The following ATP6AP2 variants were observed in gnomAD, a reference collection of about 807,000 sequenced individuals.
ATP6AP2 encodes the protein renin receptor.
A neutral mutation model predicts 23.4 loss-of-function variants in ATP6AP2; 1 was observed. That is an observed-to-expected ratio of 0.04 (90% CI 0.02 to 0.20). The LOEUF is 0.20. ATP6AP2 is among the 10% of genes least tolerant of loss of function. The probability of loss-of-function intolerance (pLI) is 1.00; values close to 1 mark genes in which losing one functional copy is unlikely to be tolerated. For synonymous variants in ATP6AP2, 90 were observed against 97.1 expected (o/e 0.93, Z 0.43); for missense variants, 174 against 271.3 (o/e 0.64, Z 2.52).
chrX:40,590,223 T>A (rs1926592400), intron 2 of ATP6AP2: 1 of 111,598 alleles, frequency 9.0e-6, no homozygotes, highest in Non-Finnish European at 1.9e-5. Flanking sequence ...GCTGATTTTT[T>A]AATTTTTTGT....
chrX:40,601,038 A>G, intron 8 of ATP6AP2, 157 bp downstream of exon 8: 4 of 521,949 alleles, frequency 7.7e-6, no homozygotes, highest in South Asian at 3.2e-5. Context: ...GTTCACATAC[A>G]TATGTGTGCT....
chrX:40,600,510 C>G, intron 7 of ATP6AP2: 1 of 245,413 alleles, frequency 4.1e-6, no homozygotes. Context: ...GGTAAGTGTA[C>G]ATTGTTCTTG....
intron 5 of ATP6AP2, 98 bp downstream of exon 5, chrX:40,597,762 A>G: frequency 1.1e-6 from 1 of 938,968 alleles, no homozygotes; most frequent in Non-Finnish European, 1.5e-6. Flanking sequence ...GCTGGTCTTG[A>G]ACTCCTGGCC....
intron 1 of ATP6AP2, among the ~76,000 whole-genome samples, chrX:40,582,147 G>T (rs1215452723): frequency 2.7e-5 from 3 of 111,980 alleles, no homozygotes; most frequent in African/African-American, 9.8e-5. Context: ...CCTATGGGAG[G>T]CCGGGCGCGG....
At chrX:40,599,776 G>T in intron 7 of ATP6AP2, 35 bp downstream of exon 7, 1 of 1,204,871 alleles carries the variant, frequency 8.3e-7, no homozygotes, top group South Asian at 1.8e-5. Context: ...GTTGGAGTAT[G>T]ACCATTTCAC....
At chrX:40,584,319 T>G (rs1320280465) in intron 1 of ATP6AP2, among the ~76,000 whole-genome samples, 1 of 109,371 alleles carries the variant, frequency 9.1e-6, no homozygotes, top group Non-Finnish European at 1.9e-5. Context: ...CCTCCCAAAG[T>G]GCTGGGATTA....
At chrX:40,584,162 G>C (rs1313915805) in intron 1 of ATP6AP2, among the ~76,000 whole-genome samples, 2 of 108,563 alleles carry the variant, frequency 1.8e-5, no homozygotes, top group Admixed American at 9.8e-5. Flanking sequence ...CTGCAGCCTC[G>C]ACCACCCAGG....
rs762002816 is a variant in ATP6AP2, at chrX:40,605,916, T to G, written c.*161T>G. The G allele has an allele frequency of 2.1e-6, 1 of 476,246 alleles. No individual in the cohort carries two copies. The highest frequency in any genetic ancestry group is 3.4e-5 in the South Asian group (1 of 29,189). The allele number at this position is 476,246 out of a possible 1,213,427, so 39.2% of individuals were successfully genotyped here. On this transcript the variant is annotated 3_prime_UTR_variant, in exon 9 of 9. Transcript: ENST00000636580. ...GTGTGCCTGTGATGTTTTTCTAGAG[T>G]GAATTATAGTATTGACGTGAATCCC...
intron 1 of ATP6AP2, 52 bp from the exon 2 acceptor site, chrX:40,588,934 G>T: frequency 8.6e-7 from 1 of 1,157,791 alleles, no homozygotes. Context: ...AATTGTCAAG[G>T]TAAATGATTT....
chrX:40,594,792 A>G (rs1230547150), intron 3 of ATP6AP2, among the ~76,000 whole-genome samples: 2 of 112,595 alleles, frequency 1.8e-5, no homozygotes, highest in Non-Finnish European at 3.8e-5. Flanking sequence ...TCACTGTGGA[A>G]CTTTTTAAAT....
At chrX:40,591,532 A>G in intron 3 of ATP6AP2, 167 bp downstream of exon 3, 1 of 596,098 alleles carries the variant, frequency 1.7e-6, no homozygotes, top group African/African-American at 2.2e-5. Context: ...TTACATGATG[A>G]TTGTAATTAA....
chrX:40,585,722 G>T (rs888438611), intron 1 of ATP6AP2, among the ~76,000 whole-genome samples: 34 of 110,837 alleles, frequency 3.1e-4, no homozygotes, highest in Admixed American at 7.7e-4. Flanking sequence ...CAGACGTGGT[G>T]GTGCGTGCCT....
At chrX:40,603,866 G>A (rs1001761067) in intron 8 of ATP6AP2, among the ~76,000 whole-genome samples, 3 of 111,627 alleles carry the variant, frequency 2.7e-5, no homozygotes, top group Non-Finnish European at 5.7e-5. Flanking sequence ...TGAGCCTCCT[G>A]AGTAGCCAGT....
At chrX:40,584,434 C>T (rs1334772418) in intron 1 of ATP6AP2, among the ~76,000 whole-genome samples, 6 of 105,566 alleles carry the variant, frequency 5.7e-5, no homozygotes, top group Admixed American at 4.1e-4. Flanking sequence ...TGCAGTGGCA[C>T]GATCTCGGCT....
rs1480801063 is a variant in ATP6AP2 at position 40,580,986 on chromosome X, C to T, written c.-80C>T. 8 of 1,119,429 alleles carry T rather than the reference C, an allele frequency of 7.1e-6. No homozygotes were observed. The highest frequency in any genetic ancestry group is 9.6e-6 in the Non-Finnish European group (8 of 833,639). 92.3% of individuals were successfully genotyped at this position (1,119,429 alleles called of 1,213,427 possible). The stretch of plus-strand genomic sequence containing the variant: ...AGCCTGGACGAGTCCGAGCGCGTCA[C>T]CTCCTCACGCTGCGGCTGTCGCCCG... On this transcript the variant is annotated 5_prime_UTR_variant, in exon 1 of 9. Coordinates refer to ENST00000636580, the MANE Select transcript of ATP6AP2 (RefSeq NM_005765.3).
At chrX:40,581,459 G>T (rs917676127) in intron 1 of ATP6AP2, among the ~76,000 whole-genome samples, 1 of 113,035 alleles carries the variant, frequency 8.8e-6, no homozygotes, top group Non-Finnish European at 1.9e-5. Context: ...CTGCGAAGAA[G>T]AGAAGGCAGA....
chrX:40,598,519 A>G (rs1453814521), intron 5 of ATP6AP2, 162 bp from the exon 6 acceptor site: 1 of 529,474 alleles, frequency 1.9e-6, no homozygotes, highest in Non-Finnish European at 3.2e-6. Flanking sequence ...AATGTTTTAT[A>G]TGCATTTTCA....
chrX:40,582,447 C>A (rs924864500), intron 1 of ATP6AP2, among the ~76,000 whole-genome samples: 1 of 111,462 alleles, frequency 9.0e-6, no homozygotes, highest in Non-Finnish European at 1.9e-5. Context: ...AACAAACATA[C>A]AAACAAACCA....
At chrX:40,603,355 C>CCAAA (rs1926987983) in intron 8 of ATP6AP2, 1 of 97,082 alleles carries the variant, frequency 1.0e-5, no homozygotes, top group Admixed American at 1.1e-4. Context: ...ACATGTTTAT[C>CCAAA]AAAAAAAAAA....
Sources: gnomAD v4.1 joint callset for allele counts (sites outside exome capture counted in the v4.1 genomes callset) on GRCh38, gnomAD v4.1.1 for gene constraint, MANE v1.5 for transcripts, NCBI Gene and HGNC (gene_info 2026-07-23, HGNC 2026-07-21) for gene names.